NCEH1: variants seen among roughly 807,000 people sequenced by gnomAD.
NCEH1 encodes 2-acetyl MAGE hydrolase.
NCEH1 carries 9 observed loss-of-function variants against 25.4 expected under a neutral mutation model. The observed-to-expected ratio is 0.35, with a 90% CI of 0.21 to 0.62. NCEH1 has a LOEUF of 0.62. Among genes scored for constraint, NCEH1 ranks in the 20% least tolerant of loss-of-function variants. The probability of loss-of-function intolerance (pLI) is 0.72; values close to 1 mark genes in which losing one functional copy is unlikely to be tolerated. For missense variants in NCEH1, 412 were observed against 501.1 expected (o/e 0.82, Z 1.70); for synonymous variants, 200 against 199.8 (o/e 1.00, Z -0.01).
At chr3:172,642,974 T>C (rs967452544) in intron 3 of NCEH1, among the ~76,000 whole-genome samples, 1 of 152,214 alleles carries the variant, frequency 6.6e-6, no homozygotes, top group African/African-American at 2.4e-5. Context: ...GTTTCGCTTT[T>C]GTTGCCCAGG....
In NCEH1 at chr3:172,633,619, C is replaced by T. The variant is rs201450246; in HGVS notation, c.1083G>A (p.Leu361=). The T allele has an allele frequency of 6.2e-7, 1 of 1,614,190 alleles. No homozygotes were observed. Among genetic ancestry groups the T allele is most frequent in the Non-Finnish European group, 8.5e-7 (1 of 1,180,028 alleles). ...RDDGIMYAKR[L]ESAGVEVTLD... is the part of the protein sequence containing the mutation. Reference sequence around the variant, plus strand: ...GGGTCACCTCCACACCGGCACTCTCCAAACGCTTGGCATACATGATGCCAT... The same window carrying T: ...GGGTCACCTCCACACCGGCACTCTCTAAACGCTTGGCATACATGATGCCAT... The change falls in exon 5 of 5, where the codon TTG becomes TTA. Residue 361 remains leucine (L), a synonymous_variant. Transcript: ENST00000475381.
At chr3:172,689,190 G>A (rs966607999) in intron 1 of NCEH1, among the ~76,000 whole-genome samples, 3 of 149,440 alleles carry the variant, frequency 2.0e-5, no homozygotes, top group African/African-American at 4.9e-5. Flanking sequence ...TTCATAACAA[G>A]CAAGACTATA....
At chr3:172,649,315 C>G (rs957613525) in intron 1 of NCEH1, among the ~76,000 whole-genome samples, 7 of 152,076 alleles carry the variant, frequency 4.6e-5, no homozygotes, top group African/African-American at 1.4e-4. Context: ...ATTATAACAG[C>G]ATTAGCAAAT....
chr3:172,705,191 G>C (rs1385623245), intron 1 of NCEH1, among the ~76,000 whole-genome samples: 3 of 152,194 alleles, frequency 2.0e-5, no homozygotes, highest in African/African-American at 7.2e-5. Flanking sequence ...GAGATGGGGA[G>C]GGTGGCATAG....
At chr3:172,664,834 T>A (rs1216167118) in intron 1 of NCEH1, among the ~76,000 whole-genome samples, 1 of 152,216 alleles carries the variant, frequency 6.6e-6, no homozygotes, top group East Asian at 1.9e-4. Context: ...TCCTCTATGC[T>A]GTTTATTCTA....
intron 1 of NCEH1, among the ~76,000 whole-genome samples, chr3:172,674,267 C>T (rs960011372): frequency 6.6e-6 from 1 of 152,060 alleles, no homozygotes; most frequent in Non-Finnish European, 1.5e-5. Context: ...TGGTGAAACC[C>T]TGTCTCTACT....
At chr3:172,669,258 A>G (rs73173339) in intron 1 of NCEH1, among the ~76,000 whole-genome samples, 19,631 of 152,288 alleles carry the variant, frequency 0.13, 1,394 homozygotes, top group South Asian at 0.22. Flanking sequence ...ACTAAATGAG[A>G]TCTGCCTAGG....
At chr3:172,659,833 C>A (rs1717885584) in intron 1 of NCEH1, among the ~76,000 whole-genome samples, 2 of 152,158 alleles carry the variant, frequency 1.3e-5, no homozygotes, top group African/African-American at 4.8e-5. Flanking sequence ...CCCATCTTTC[C>A]CCTTTCCTTC....
rs1716453573 is a variant in NCEH1, at chr3:172,633,415, C to A, written c.*60G>T. On this transcript the variant is annotated 3_prime_UTR_variant, in exon 5 of 5. Coordinates refer to ENST00000475381, the MANE Select transcript of NCEH1 (RefSeq NM_020792.6). ...AATTAGTCAACTAAAAAGTGCATGT[C>A]TTTCCAAAGCAGGTGTAGGAGGTCA... The A allele has an allele frequency of 6.6e-7, 1 of 1,518,338 alleles. No homozygotes were observed. The highest frequency in any genetic ancestry group is 1.4e-5 in the African/African-American group (1 of 71,994). The allele number at this position is 1,518,338 out of a possible 1,614,324, so 94.1% of individuals were successfully genotyped here. A position where few individuals can be genotyped will look rare whatever the true frequency, so the allele number is the denominator to read the frequency against.
At chr3:172,694,232 C>T (rs1713231655) in intron 1 of NCEH1, among the ~76,000 whole-genome samples, 1 of 152,122 alleles carries the variant, frequency 6.6e-6, no homozygotes, top group South Asian at 2.1e-4. Flanking sequence ...CTAAAATGGA[C>T]TAAATTTACT....
chr3:172,634,797 C>T (rs2108487213), intron 4 of NCEH1, among the ~76,000 whole-genome samples: 1 of 152,224 alleles, frequency 6.6e-6, no homozygotes. Flanking sequence ...TAAAAGAAAG[C>T]TAACTAGTCA....
intron 1 of NCEH1, among the ~76,000 whole-genome samples, chr3:172,667,735 G>A (rs560431693): frequency 6.6e-6 from 1 of 152,254 alleles, no homozygotes; most frequent in South Asian, 2.1e-4. Flanking sequence ...TCTTCAGCTT[G>A]CACCCCTCTG....
intron 1 of NCEH1, among the ~76,000 whole-genome samples, chr3:172,660,489 G>A (rs542773597): frequency 6.6e-5 from 10 of 152,012 alleles, no homozygotes; most frequent in East Asian, 3.9e-4. Context: ...GGGTATATAC[G>A]CAGTAATGGG....
At chr3:172,655,890 A>G (rs1717669712) in intron 1 of NCEH1, among the ~76,000 whole-genome samples, 1 of 152,228 alleles carries the variant, frequency 6.6e-6, no homozygotes, top group South Asian at 2.1e-4. Context: ...AGGAAAAACC[A>G]ATCAATAAAA....
At chr3:172,666,170 T>C (rs1192377293) in intron 1 of NCEH1, among the ~76,000 whole-genome samples, 1 of 152,244 alleles carries the variant, frequency 6.6e-6, no homozygotes, top group Non-Finnish European at 1.5e-5. Context: ...CAAGCTTTGA[T>C]ATGCAAATGC....
At chr3:172,680,545 G>A (rs1029166995) in intron 1 of NCEH1, among the ~76,000 whole-genome samples, 1 of 152,168 alleles carries the variant, frequency 6.6e-6, no homozygotes, top group Non-Finnish European at 1.5e-5. Flanking sequence ...CACCCAGGAT[G>A]GTGGACAGCC....
chr3:172,645,605 C>T lies in NCEH1; in HGVS notation c.437+18G>A, dbSNP rs544740536. 73 of 1,528,894 alleles carry T rather than the reference C, an allele frequency of 4.8e-5. No individual in the cohort carries two copies. The highest frequency in any genetic ancestry group is 6.4e-5 in the Non-Finnish European group (71 of 1,111,846). The allele number at this position is 1,528,894 out of a possible 1,614,324, so 94.7% of individuals were successfully genotyped here. On this transcript the variant is annotated intron_variant, in intron 3 of 4. Coordinates refer to ENST00000475381, the MANE Select transcript of NCEH1 (RefSeq NM_020792.6). ...CCTTTATAAGAAAAATTTTCTATGA[C>T]TAGCATTAATTACTTACTCAATGGA...
intron 1 of NCEH1, among the ~76,000 whole-genome samples, chr3:172,666,720 T>C (rs1268571014): frequency 6.6e-6 from 1 of 152,182 alleles, no homozygotes; most frequent in Non-Finnish European, 1.5e-5. Flanking sequence ...GATCTGTCCT[T>C]TAATCTCAAG....
chr3:172,634,983 C>T (rs1716536568), intron 4 of NCEH1, among the ~76,000 whole-genome samples: 1 of 152,174 alleles, frequency 6.6e-6, no homozygotes, highest in Non-Finnish European at 1.5e-5. Flanking sequence ...CATCACCTCA[C>T]TAAGTCCTTG....
Sources: allele counts gnomAD v4.1 joint callset (sites outside exome capture counted in the v4.1 genomes callset), GRCh38; gene constraint gnomAD v4.1.1; transcripts MANE v1.5; gene names NCBI Gene and HGNC (gene_info 2026-07-23, HGNC 2026-07-21).